DOP1B: variants seen among roughly 807,000 people sequenced by gnomAD.
The protein encoded by DOP1B is DOP1 leucine zipper like protein B.
In DOP1B, 174 loss-of-function variants were observed where a neutral mutation model predicts 233.5. The observed-to-expected ratio is 0.75, with a 90% CI of 0.66 to 0.85. DOP1B has a LOEUF of 0.85. DOP1B is among the 40% of genes least tolerant of loss of function. DOP1B has a pLI of 0.00. For synonymous variants in DOP1B, 1,190 were observed against 1,185.6 expected (o/e 1.00, Z -0.08); for missense variants, 2,652 against 2,846.6 (o/e 0.93, Z 1.56).
In DOP1B at chr21:36,239,761, G is replaced by A. The variant is rs747519458; in HGVS notation, c.2877-4G>A. 11 of 1,530,450 alleles carry A rather than the reference G, an allele frequency of 7.2e-6. No homozygotes were observed. In the South Asian group the frequency reaches 9.8e-5, roughly 14 times the overall value. The allele number at this position is 1,530,450 out of a possible 1,614,324, so 94.8% of individuals were successfully genotyped here. ...TGAACTCACTGGTGTGTTTCCCACT[G>A]CAGGTCCTTGTTTGTCGTGCTGGAC... On this transcript the variant is annotated splice_polypyrimidine_tract_variant and splice_region_variant and intron_variant, in intron 17 of 36. Transcript: ENST00000691173.
intron 20 of DOP1B, 80 bp downstream of exon 20, chr21:36,247,708 A>G: frequency 9.6e-7 from 1 of 1,039,978 alleles, no homozygotes; most frequent in Non-Finnish European, 1.4e-6. Context: ...TCAAATAAGT[A>G]ACGTATGTAT....
At chr21:36,200,760 G>A (rs964041275) in intron 4 of DOP1B, among the ~76,000 whole-genome samples, 24 of 151,782 alleles carry the variant, frequency 1.6e-4, no homozygotes, top group Non-Finnish European at 1.3e-4. Context: ...GGAGAATGGC[G>A]TGAACCTGGG....
In DOP1B at chr21:36,162,124, C is replaced by G. The variant is rs566603112; in HGVS notation, c.-26-2584C>G. Among the ~76,000 whole-genome samples, 47 of 152,284 alleles carry G rather than the reference C, an allele frequency of 3.1e-4. 3 individuals are homozygous for G. In the South Asian group the frequency reaches 9.3e-3, roughly 30 times the overall value. ...TTCAAGATCAAGGTGCTGGCAGATT[C>G]GGTGTCTGGTGGGGCCTGCTTGCTG... On this transcript the variant is annotated intron_variant, in intron 1 of 36. Coordinates refer to ENST00000691173, the MANE Select transcript of DOP1B (RefSeq NM_001320714.2).
At chr21:36,249,016 A>C (rs1278608587) in intron 21 of DOP1B, among the ~76,000 whole-genome samples, 1 of 149,042 alleles carries the variant, frequency 6.7e-6, no homozygotes, top group Non-Finnish European at 1.5e-5. Context: ...GAGGCAGGAA[A>C]ATCGCTGGAA....
intron 23 of DOP1B, 64 bp from the exon 24 acceptor site, chr21:36,260,613 A>G: frequency 1.2e-6 from 2 of 1,603,358 alleles, no homozygotes; most frequent in Non-Finnish European, 1.7e-6. Context: ...TTCATTTTGT[A>G]TCTGAATTCT....
chr21:36,240,939 G>A (rs968218148), intron 18 of DOP1B, among the ~76,000 whole-genome samples: 1 of 152,094 alleles, frequency 6.6e-6, no homozygotes, highest in East Asian at 1.9e-4. Flanking sequence ...GCTATAAGAA[G>A]GTTGTAGTGA....
At chr21:36,224,861 T>C (rs184122691) in intron 11 of DOP1B, among the ~76,000 whole-genome samples, 24 of 152,062 alleles carry the variant, frequency 1.6e-4, no homozygotes, top group African/African-American at 4.6e-4. Context: ...CTGGAATTAC[T>C]TGGAGAGGAG....
rs2067271727 is a variant in DOP1B, at chr21:36,270,228, C to G, written c.5632+71C>G. 9 of 1,506,328 alleles carry G rather than the reference C, an allele frequency of 6.0e-6. No homozygotes were observed. In the South Asian group the frequency reaches 1.1e-4, roughly 19 times the overall value. 93.3% of individuals were successfully genotyped at this position (1,506,328 alleles called of 1,614,324 possible). A position where few individuals can be genotyped will look rare whatever the true frequency, so the allele number is the denominator to read the frequency against. On this transcript the variant is annotated intron_variant, in intron 27 of 36. Transcript: ENST00000691173. ...GTTCTGGCTTTTCCTTAAGAGAGAT[C>G]TTGAGTGTTCTCACCACAAAAAGAA...
chr21:36,230,464 TG>T lies in DOP1B; in HGVS notation c.1681del (p.Glu561LysfsTer5), dbSNP rs1197860394. The stretch of plus-strand genomic sequence containing the variant: ...ATTTTTTACAGAGTCCAGTAAAAGG[TG>T]AAAACGGCAAAATAATTTTGGAAAC... ...TSGTSSPVKG[E>X]NGKIILETKA... On this transcript the variant is annotated frameshift_variant, in exon 14 of 37. Coordinates refer to ENST00000691173, the MANE Select transcript of DOP1B (RefSeq NM_001320714.2). LOFTEE classifies it high-confidence loss of function. 1 of 1,609,008 alleles carries T rather than the reference TG, an allele frequency of 6.2e-7. No individual in the cohort carries two copies. The highest frequency in any genetic ancestry group is 8.5e-7 in the Non-Finnish European group (1 of 1,175,816).
chr21:36,200,025 A>G (rs1281675166), intron 3 of DOP1B, among the ~76,000 whole-genome samples: 1 of 152,226 alleles, frequency 6.6e-6, no homozygotes, highest in African/African-American at 2.4e-5. Context: ...GACTTCCACA[A>G]TGGTTGAACT....
intron 9 of DOP1B, among the ~76,000 whole-genome samples, chr21:36,218,623 A>G (rs141527955): frequency 1.1e-4 from 16 of 152,210 alleles, no homozygotes; most frequent in African/African-American, 3.4e-4. Context: ...TGTGAAAAGA[A>G]GTGTAAAAGA....
rs543569805 is a variant in DOP1B, at chr21:36,247,794, G to A, written c.4809+166G>A. On this transcript the variant is annotated intron_variant, in intron 20 of 36. Coordinates refer to ENST00000691173, the MANE Select transcript of DOP1B (RefSeq NM_001320714.2). The stretch of plus-strand genomic sequence containing the variant: ...AATATTACATAAGTCACGTACACAC[G>A]TATGCAAATGCATGTGTGTTAGCAA... Among the ~76,000 whole-genome samples the A allele has an allele frequency of 1.1e-4, 16 of 152,352 alleles. 1 individual carries two copies. In the South Asian group the frequency reaches 2.3e-3, roughly 22 times the overall value.
intron 3 of DOP1B, 92 bp from the exon 4 acceptor site, chr21:36,200,239 G>C: frequency 6.8e-7 from 1 of 1,468,884 alleles, no homozygotes; most frequent in Non-Finnish European, 9.0e-7. Flanking sequence ...CCAGCTGTTT[G>C]CTTGTGAAAA....
intron 24 of DOP1B, chr21:36,261,935 GA>G (rs113437689): frequency 1.0e-6 from 1 of 982,302 alleles, no homozygotes; most frequent in Non-Finnish European, 1.2e-6. Flanking sequence ...ATGGGGGTGG[GA>G]AGGGTATAGA....
At chr21:36,264,720 A>C (rs1601463828) in intron 26 of DOP1B, among the ~76,000 whole-genome samples, 1 of 151,926 alleles carries the variant, frequency 6.6e-6, no homozygotes, top group African/African-American at 2.4e-5. Context: ...TGATCCTCCT[A>C]CCTTGGCCTC....
chr21:36,248,270 A>C, intron 20 of DOP1B, 110 bp from the exon 21 acceptor site: 1 of 1,104,164 alleles, frequency 9.1e-7, no homozygotes, highest in Non-Finnish European at 1.3e-6. Context: ...TGAGTTGCTT[A>C]GAAGAGAGTC....
At chr21:36,239,456 G>A (rs1249527304) in intron 17 of DOP1B, among the ~76,000 whole-genome samples, 1 of 152,248 alleles carries the variant, frequency 6.6e-6, no homozygotes, top group Non-Finnish European at 1.5e-5. Flanking sequence ...AACTCTAGGT[G>A]TGAGGCCAGG....
chr21:36,240,108 C>T (rs180960340), intron 18 of DOP1B, among the ~76,000 whole-genome samples, 153 bp downstream of exon 18: 75 of 152,248 alleles, frequency 4.9e-4, no homozygotes, highest in Admixed American at 4.2e-3. Flanking sequence ...AATTTAAGGA[C>T]CTAGTGATCT....
chr21:36,209,722 C>T (rs2066471066), intron 5 of DOP1B, among the ~76,000 whole-genome samples: 1 of 152,222 alleles, frequency 6.6e-6, no homozygotes, highest in Non-Finnish European at 1.5e-5. Flanking sequence ...TAACGACATC[C>T]CTTCTCGTGC....
Sources: gnomAD v4.1 joint callset for allele counts (sites outside exome capture counted in the v4.1 genomes callset) on GRCh38, gnomAD v4.1.1 for gene constraint, MANE v1.5 for transcripts, NCBI Gene and HGNC (gene_info 2026-07-23, HGNC 2026-07-21) for gene names.